PRDM2: variants seen among roughly 807,000 people sequenced by gnomAD.
PRDM2 encodes PR/SET domain 2.
A neutral mutation model predicts 130.0 loss-of-function variants in PRDM2; 30 were observed. The ratio of observed to expected loss-of-function variants is 0.23; its 90% confidence interval spans 0.17 to 0.31. The LOEUF is 0.31. PRDM2 is among the 10% of genes least tolerant of loss of function. The probability of loss-of-function intolerance (pLI) is 1.00; values close to 1 mark genes in which losing one functional copy is unlikely to be tolerated. For synonymous variants in PRDM2, 871 were observed against 782.4 expected, an observed-to-expected ratio of 1.11 and a Z score of -1.89; for missense variants, 2,011 against 2,108.4, an observed-to-expected ratio of 0.95 and a Z score of 0.90.
intron 3 of PRDM2, among the ~76,000 whole-genome samples, chr1:13,731,903 T>C (rs1043681810): frequency 6.6e-6 from 1 of 152,190 alleles, no homozygotes; most frequent in South Asian, 2.1e-4. Flanking sequence ...TTTGAACATA[T>C]TGTTCAAATG....
intron 1 of PRDM2, among the ~76,000 whole-genome samples, chr1:13,713,723 C>T (rs1642443211): frequency 2.0e-5 from 3 of 152,220 alleles, no homozygotes; most frequent in Admixed American, 6.5e-5. Flanking sequence ...CACGTGAAAC[C>T]CCTAACATCT....
chr1:13,781,055 CTGG>C lies in PRDM2; in HGVS notation c.3263_3265del (p.Gly1088del), dbSNP rs1027697088. ...TCCGCAATATCATCTGTTGTTTCCTCTGGTGATAATCTGGAGGCTTCTCTCCCC... is the reference window on the plus strand; with the variant it reads ...TCCGCAATATCATCTGTTGTTTCCTCTGATAATCTGGAGGCTTCTCTCCCC... On this transcript the variant is annotated inframe_deletion, in exon 8 of 10. Transcript: ENST00000311066. This position sits in a 1 kb window ranked among gnomAD's most constrained non-coding sequence, Gnocchi z 6.1. The C allele has an allele frequency of 6.2e-6, 10 of 1,612,534 alleles. No homozygotes were observed. The African/African-American group carries it at 6.7e-5, about 11-fold the overall frequency.
At position 13,780,716 on chromosome 1, in the gene PRDM2, C is replaced by T. The variant is rs754153396; in HGVS notation, c.2921C>T (p.Pro974Leu). Residue 974 changes from proline (P) to leucine (L), a missense_variant, in exon 8 of 10, where the codon CCA (proline) becomes CTA (leucine). This residue lies in a region of PRDM2 where 1,288 missense variants were observed against 1,237.7 expected (regional missense o/e 1.04). Transcript: ENST00000311066. ...LLIPTDPSSP[P>L]PCPPVLTVAT... ...ATCCCCACAGATCCCTCTTCCCCTCCACCCTGTCCCCCGGTATTAACTGTT... is the reference window on the plus strand; with the variant it reads ...ATCCCCACAGATCCCTCTTCCCCTCTACCCTGTCCCCCGGTATTAACTGTT... 1 of 1,599,826 alleles carries T rather than the reference C, an allele frequency of 6.3e-7. No homozygotes were observed. The highest frequency in any genetic ancestry group is 8.5e-7 in the Non-Finnish European group (1 of 1,171,468).
chr1:13,796,021 C>T (rs182463993), intron 8 of PRDM2, among the ~76,000 whole-genome samples: 6 of 152,150 alleles, frequency 3.9e-5, no homozygotes, highest in Non-Finnish European at 7.4e-5. Flanking sequence ...TTCTGGAGTG[C>T]CAGGTATTTG....
intron 2 of PRDM2, among the ~76,000 whole-genome samples, chr1:13,717,038 G>T (rs1456817094): frequency 6.6e-6 from 1 of 152,102 alleles, no homozygotes; most frequent in Non-Finnish European, 1.5e-5. Context: ...TGCATTGAGA[G>T]ATGTGAAATT....
At chr1:13,734,243 T>C (rs1643199387) in intron 4 of PRDM2, among the ~76,000 whole-genome samples, 1 of 152,224 alleles carries the variant, frequency 6.6e-6, no homozygotes, top group African/African-American at 2.4e-5. Flanking sequence ...TTACTAAAGA[T>C]AATGCCTGCA....
chr1:13,790,909 T>G (rs887575326), intron 8 of PRDM2, among the ~76,000 whole-genome samples: 2 of 152,156 alleles, frequency 1.3e-5, no homozygotes, highest in Non-Finnish European at 2.9e-5. Context: ...GGATTCAGTC[T>G]GGCTTTCCAA....
At chr1:13,799,786 G>A (rs1255821509) in intron 8 of PRDM2, among the ~76,000 whole-genome samples, 1 of 152,198 alleles carries the variant, frequency 6.6e-6, no homozygotes, top group African/African-American at 2.4e-5. Flanking sequence ...TATTATACAA[G>A]CCAATGACTA....
At position 13,782,509 on chromosome 1, in the gene PRDM2, T is replaced by G. The variant is rs1019425181; in HGVS notation, c.4714T>G (p.Ser1572Ala). ...GAAATCCAAAAAACCAAGCTCCTCC[T>G]CTTTAAGGAACTCCAGCCCGATAAG... ...SVKSKKPSSSSLRNSSPIRMA... is the reference protein window; with the variant it reads ...SVKSKKPSSSALRNSSPIRMA... Residue 1572 changes from serine to alanine, a missense_variant, in exon 8 of 10, where the codon TCT (serine) becomes GCT (alanine). Around this residue, in one of 5 missense-constraint regions of PRDM2, gnomAD observed 410 missense variants for 395.9 expected, o/e 1.04. Transcript: ENST00000311066. 3 of 1,614,030 alleles carry G rather than the reference T, an allele frequency of 1.9e-6. No homozygotes were observed. In the Admixed American group the frequency reaches 5.0e-5, roughly 27 times the overall value.
At chr1:13,773,864 A>G (rs1428317773) in intron 7 of PRDM2, among the ~76,000 whole-genome samples, 1 of 152,256 alleles carries the variant, frequency 6.6e-6, no homozygotes, top group Non-Finnish European at 1.5e-5. Flanking sequence ...TGGAATGGTC[A>G]CATGGGTATA....
At chr1:13,756,956 C>T (rs950816794) in intron 6 of PRDM2, among the ~76,000 whole-genome samples, 1 of 152,206 alleles carries the variant, frequency 6.6e-6, no homozygotes, top group Non-Finnish European at 1.5e-5. Context: ...ATAAAAGGCT[C>T]TGTCTGTCTA....
chr1:13,817,720 C>T (rs1002651151), intron 9 of PRDM2, among the ~76,000 whole-genome samples: 3 of 152,036 alleles, frequency 2.0e-5, no homozygotes, highest in Admixed American at 6.6e-5. Flanking sequence ...CCGAGTTCAG[C>T]CGGGCGCGGT....
Position 13,781,404 on chromosome 1 carries a change from G to A in PRDM2, c.3609G>A (p.Leu1203=), listed in dbSNP as rs1488454206. Residue 1203 remains leucine (L), a synonymous_variant, in exon 8 of 10, where the codon TTG becomes TTA. Coordinates refer to ENST00000311066, the MANE Select transcript of PRDM2 (RefSeq NM_001393986.1). The surrounding 1 kb of genome is among the most constrained non-coding windows in gnomAD (Gnocchi z 6.1). ...TTTGTAAAAAAGAATTTGCTTTTTT[G>A]TGCAATTTGCAGCAGCACCAGCGAG... ...CSVCKKEFAF[L]CNLQQHQRDL... 6.5e-7 allele frequency: 1 copy of A among 1,550,318 alleles called. No homozygotes were observed. Among genetic ancestry groups the A allele is most frequent in the Non-Finnish European group, 8.7e-7 (1 of 1,145,530 alleles).
At chr1:13,703,481 C>T (rs1233624999) in intron 1 of PRDM2, among the ~76,000 whole-genome samples, 1 of 152,204 alleles carries the variant, frequency 6.6e-6, no homozygotes, top group African/African-American at 2.4e-5. Context: ...TGGTTTACAC[C>T]TTGAAGCCAA....
Position 13,779,222 on chromosome 1 carries a change from A to G in PRDM2, c.1427A>G (p.Asn476Ser), listed in dbSNP as rs1557646911. The change falls in exon 8 of 10, where the codon AAT (asparagine) becomes AGT (serine). Residue 476 changes from asparagine to serine, a missense_variant. Physicochemically the swap from Asn to Ser is conservative, Grantham distance 46. Coordinates refer to ENST00000311066, the MANE Select transcript of PRDM2 (RefSeq NM_001393986.1). The surrounding 1 kb of genome is among the most constrained non-coding windows in gnomAD (Gnocchi z 4.9). ...ATAAATTCTTCTGTCGTAGAAGAGA[A>G]TGGGGAAGTTAAAGAACTTCATCCG... ...DTINSSVVEE[N>S]GEVKELHPCK... 3 of 1,614,236 alleles carry G rather than the reference A, an allele frequency of 1.9e-6. No homozygotes were observed. The highest frequency in any genetic ancestry group is 1.7e-6 in the Non-Finnish European group (2 of 1,180,034).
intron 8 of PRDM2, among the ~76,000 whole-genome samples, chr1:13,784,895 CACTT>C (rs1255030272): frequency 1.3e-5 from 2 of 152,196 alleles, no homozygotes; most frequent in Non-Finnish European, 2.9e-5. Flanking sequence ...TCCAGGGGTC[CACTT>C]ACCAAGTCAC....
intron 8 of PRDM2, among the ~76,000 whole-genome samples, chr1:13,802,663 T>C (rs1296347625): frequency 1.3e-5 from 2 of 152,214 alleles, no homozygotes; most frequent in Non-Finnish European, 2.9e-5. Context: ...GAAGCTTTAG[T>C]GTCCTTACAG....
chr1:13,729,857 C>T (rs1409520620), intron 2 of PRDM2, among the ~76,000 whole-genome samples: 1 of 152,134 alleles, frequency 6.6e-6, no homozygotes, highest in East Asian at 1.9e-4. Flanking sequence ...AGTAGATGAC[C>T]ATGTTTATAA....
At chr1:13,784,751 A>C (rs144767270) in intron 8 of PRDM2, among the ~76,000 whole-genome samples, 152 of 152,332 alleles carry the variant, frequency 1.0e-3, no homozygotes, top group Admixed American at 2.0e-3. Context: ...AAGGAAGCAC[A>C]GAAGAATCAG....
Sources: gnomAD v4.1 joint callset for allele counts (sites outside exome capture counted in the v4.1 genomes callset) on GRCh38, gnomAD v4.1.1 for gene constraint, gnomAD v4.1.1 regional missense constraint, Gnocchi (gnomAD v3.1) non-coding constraint, MANE v1.5 for transcripts, NCBI Gene and HGNC (gene_info 2026-07-23, HGNC 2026-07-21) for gene names.